Variants in RLIM observed in about 807,000 individuals in gnomAD.
The protein encoded by RLIM is ring finger protein, LIM domain interacting.
RLIM carries 2 observed loss-of-function variants against 34.0 expected under a neutral mutation model. That is an observed-to-expected ratio of 0.06 (90% CI 0.02 to 0.19). The LOEUF (loss-of-function observed/expected upper bound fraction) is 0.19. RLIM is among the 10% of genes least tolerant of loss of function. The pLI, the probability that RLIM is intolerant of heterozygous loss-of-function variation, is 1.00. For synonymous variants in RLIM, 169 were observed against 164.0 expected (o/e 1.03, Z -0.23); for missense variants, 286 against 479.7 (o/e 0.60, Z 3.77).
chrX:74,610,630 G>A (rs746800888), intron 1 of RLIM, among the ~76,000 whole-genome samples: 3 of 110,837 alleles, frequency 2.7e-5, no homozygotes, highest in African/African-American at 6.6e-5. Flanking sequence ...GGTGGCTCAC[G>A]TCTGTAATCC....
intron 3 of RLIM, among the ~76,000 whole-genome samples, chrX:74,593,316 T>G (rs181950877): frequency 8.9e-6 from 1 of 112,589 alleles, no homozygotes; most frequent in Admixed American, 9.4e-5. Flanking sequence ...AAGTCTATTT[T>G]CAGTATTTTA....
intron 1 of RLIM, among the ~76,000 whole-genome samples, chrX:74,601,742 T>C (rs1258805924): frequency 1.8e-5 from 2 of 111,880 alleles, no homozygotes; most frequent in Non-Finnish European, 3.8e-5. Context: ...ACTTGATTTC[T>C]GCACAGGATC....
At chrX:74,608,613 G>A (rs919356330) in intron 1 of RLIM, among the ~76,000 whole-genome samples, 5 of 111,817 alleles carry the variant, frequency 4.5e-5, no homozygotes, top group Non-Finnish European at 9.4e-5. Context: ...TATCTGAATG[G>A]CAGTTAGCTT....
intron 1 of RLIM, among the ~76,000 whole-genome samples, chrX:74,606,833 A>G (rs1170184575): frequency 8.9e-6 from 1 of 111,863 alleles, no homozygotes; most frequent in Admixed American, 9.5e-5. Context: ...AAAGTGAGTC[A>G]TCTTGGCTGG....
intron 1 of RLIM, among the ~76,000 whole-genome samples, chrX:74,606,851 G>A (rs1473806570): frequency 1.8e-5 from 2 of 111,678 alleles, no homozygotes; most frequent in Non-Finnish European, 3.8e-5. Context: ...TGGGCATGGT[G>A]CTGGCCGAGT....
intron 1 of RLIM, among the ~76,000 whole-genome samples, chrX:74,603,699 G>A (rs1157925605): frequency 1.8e-5 from 2 of 111,662 alleles, no homozygotes; most frequent in African/African-American, 6.5e-5. Flanking sequence ...GTCCAAAAGA[G>A]ATACAATTTG....
At chrX:74,603,775 T>C (rs2079670936) in intron 1 of RLIM, among the ~76,000 whole-genome samples, 1 of 111,657 alleles carries the variant, frequency 9.0e-6, no homozygotes, top group Non-Finnish European at 1.9e-5. Flanking sequence ...GTGAAATTAA[T>C]CTTAGTAATG....
At chrX:74,596,044 T>A in intron 1 of RLIM, 44 bp from the exon 2 acceptor site, 1 of 818,664 alleles carries the variant, frequency 1.2e-6, no homozygotes, top group South Asian at 3.4e-5. Flanking sequence ...AAGGTCACTA[T>A]GTATTCTATA....
chrX:74,614,266 G>GC (rs1286286815), intron 1 of RLIM, among the ~76,000 whole-genome samples, 156 bp downstream of exon 1: 1 of 111,736 alleles, frequency 8.9e-6, no homozygotes, highest in Non-Finnish European at 1.9e-5. Flanking sequence ...ACGCCACGGA[G>GC]CCCCCCGCAG....
In RLIM at chrX:74,586,901, C is replaced by T. The variant is rs904254867; in HGVS notation, c.*4539G>A. 3 of 111,107 alleles carry T rather than the reference C, an allele frequency of 2.7e-5. No homozygotes were observed. The Admixed American group carries it at 2.9e-4, about 11-fold the overall frequency. The allele number at this position is 111,107 out of a possible 1,213,427, so 9.2% of individuals were successfully genotyped here. On this transcript the variant is annotated 3_prime_UTR_variant, in exon 4 of 4. Transcript: ENST00000332687. ...CTGAGCCCAGGAGTTCAAGAACAGC[C>T]TGGACAACATGGCGAAACCCCATCT...
rs1374791387 is a variant in RLIM at position 74,592,190 on chromosome X, C to T, written c.1125G>A (p.Val375=). 4 of 1,210,199 alleles carry T rather than the reference C, an allele frequency of 3.3e-6. No homozygotes were observed. The highest frequency in any genetic ancestry group is 4.5e-6 in the Non-Finnish European group (4 of 895,220). ...RTFSRSERAG[V]RTYVSTIRIP... ...TTCTGATGGTACTGACATAGGTTCT[C>T]ACACCTGCCCGCTCAGAACGTGAAA... The change falls in exon 4 of 4, where the codon GTG becomes GTA. Residue 375 remains valine (V), a synonymous_variant. Transcript: ENST00000332687.
chrX:74,583,234 C>A lies in RLIM; in HGVS notation c.*8206G>T, dbSNP rs1444286732. 1.0e-6 allele frequency: 1 copy of A among 997,773 alleles called. No individual in the cohort carries two copies. 82.2% of individuals were successfully genotyped at this position (997,773 alleles called of 1,213,427 possible). On this transcript the variant is annotated 3_prime_UTR_variant, in exon 4 of 4. Coordinates refer to ENST00000332687, the MANE Select transcript of RLIM (RefSeq NM_016120.4). The stretch of plus-strand genomic sequence containing the variant: ...AGCATATGAAGAAGTTCTGAATTAT[C>A]AATCTCCAACAACACGCCAGTGATT...
In RLIM at chrX:74,588,270, G is replaced by C. The variant is rs1243153256; in HGVS notation, c.*3170C>G. 9.0e-6 allele frequency: 1 copy of C among 111,366 alleles called. No individual in the cohort carries two copies. Among genetic ancestry groups the C allele is most frequent in the East Asian group, 2.8e-4 (1 of 3,539 alleles). 9.2% of individuals were successfully genotyped at this position (111,366 alleles called of 1,213,427 possible). A position where few individuals can be genotyped will look rare whatever the true frequency, so the allele number is the denominator to read the frequency against. Reference sequence around the variant, plus strand: ...ACATCACTTGAGGTCAGGAGTTCAAGACCAGCCTGGCCAACACGGTGAAGT... The same window carrying C: ...ACATCACTTGAGGTCAGGAGTTCAACACCAGCCTGGCCAACACGGTGAAGT... On this transcript the variant is annotated 3_prime_UTR_variant, in exon 4 of 4. Transcript: ENST00000332687.
rs1931317126 is a variant in RLIM, at chrX:74,585,212, A to C, written c.*6228T>G. 1 of 112,464 alleles carries C rather than the reference A, an allele frequency of 8.9e-6. No homozygotes were observed. The highest frequency in any genetic ancestry group is 1.9e-5 in the Non-Finnish European group (1 of 53,314). The allele number at this position is 112,464 out of a possible 1,213,427, so 9.3% of individuals were successfully genotyped here. A position where few individuals can be genotyped will look rare whatever the true frequency, so the allele number is the denominator to read the frequency against. On this transcript the variant is annotated 3_prime_UTR_variant, in exon 4 of 4. Transcript: ENST00000332687. ...CGCCTACTTAAAATGTCATTCACAT[A>C]AATCTTTCCAGGATTCTTGTATTGG... is the stretch of plus-strand genomic sequence containing the variant.
At chrX:74,596,859 G>C (rs775853886) in intron 1 of RLIM, among the ~76,000 whole-genome samples, 1 of 111,212 alleles carries the variant, frequency 9.0e-6, no homozygotes, top group South Asian at 3.7e-4. Flanking sequence ...AAAAAACTGA[G>C]TATACACTCA....
At chrX:74,613,209 G>T (rs890057035) in intron 1 of RLIM, among the ~76,000 whole-genome samples, 1 of 110,914 alleles carries the variant, frequency 9.0e-6, no homozygotes, top group African/African-American at 3.3e-5. Context: ...CTATAATCAC[G>T]AAGAATGAAA....
Position 74,583,120 on chromosome X carries a change from C to A in RLIM, c.*8320G>T. The A allele has an allele frequency of 5.0e-6, 6 of 1,196,678 alleles. No homozygotes were observed. Among genetic ancestry groups the A allele is most frequent in the Non-Finnish European group, 6.8e-6 (6 of 880,896 alleles). On this transcript the variant is annotated 3_prime_UTR_variant, in exon 4 of 4. Coordinates refer to ENST00000332687, the MANE Select transcript of RLIM (RefSeq NM_016120.4). ...GTTGGAACACCGGTGGCACTGTTAACTGCTTTCTGGGCAGTCTCTTTAGCT... is the reference window on the plus strand; with the variant it reads ...GTTGGAACACCGGTGGCACTGTTAAATGCTTTCTGGGCAGTCTCTTTAGCT...
chrX:74,609,507 A>G (rs1008896046), intron 1 of RLIM, among the ~76,000 whole-genome samples: 25 of 102,323 alleles, frequency 2.4e-4, no homozygotes, highest in Non-Finnish European at 4.2e-4. Context: ...AAAAAAAAAA[A>G]AAAAAAAAAA....
At chrX:74,600,434 T>G (rs2079656566) in intron 1 of RLIM, among the ~76,000 whole-genome samples, 1 of 111,194 alleles carries the variant, frequency 9.0e-6, no homozygotes, top group South Asian at 3.7e-4. Context: ...AAAAAAAAAG[T>G]CAGCCATAAT....
Sources: allele counts gnomAD v4.1 joint callset (sites outside exome capture counted in the v4.1 genomes callset), GRCh38; gene constraint gnomAD v4.1.1; transcripts MANE v1.5; gene names NCBI Gene and HGNC (gene_info 2026-07-23, HGNC 2026-07-21).